Variants in CMIP observed in about 807,000 individuals in gnomAD.
The protein encoded by CMIP is c-Maf inducing protein.
In CMIP, 13 loss-of-function variants were observed where a neutral mutation model predicts 97.3. The observed-to-expected ratio is 0.13, with a 90% CI of 0.09 to 0.21. CMIP has a LOEUF of 0.21. Ranked by LOEUF, CMIP falls within the 10% of genes least tolerant of loss-of-function variation. The pLI, the probability that CMIP is intolerant of heterozygous loss-of-function variation, is 1.00. For synonymous variants in CMIP, 538 were observed against 436.3 expected, an observed-to-expected ratio of 1.23 and a Z score of -2.91; for missense variants, 847 against 1,024.9, an observed-to-expected ratio of 0.83 and a Z score of 2.37.
intron 1 of CMIP, among the ~76,000 whole-genome samples, chr16:81,595,391 T>C (rs1002575533): frequency 4.0e-5 from 6 of 150,954 alleles, no homozygotes; most frequent in African/African-American, 7.3e-5. Context: ...TTCTTTCTTT[T>C]TTTTTTTTTT....
At chr16:81,449,213 T>C (rs1356146858) in intron 1 of CMIP, among the ~76,000 whole-genome samples, 1 of 152,216 alleles carries the variant, frequency 6.6e-6, no homozygotes, top group Admixed American at 6.5e-5. Context: ...GAAAGTCCTT[T>C]ATTCAGGGGT....
rs1908644942 is a variant in CMIP at position 81,710,497 on chromosome 16, A to G, written c.*698A>G. 7.4e-6 allele frequency: 1 copy of G among 134,364 alleles called. No individual in the cohort carries two copies. Among genetic ancestry groups the G allele is most frequent in the East Asian group, 2.3e-4 (1 of 4,330 alleles). 8.3% of individuals were successfully genotyped at this position (134,364 alleles called of 1,614,324 possible). The stretch of plus-strand genomic sequence containing the variant: ...CAGCTGTCGGGTTAGTGGTAGTATT[A>G]TTGTTATTTTTTTAAAGGAAACAAA... On this transcript the variant is annotated 3_prime_UTR_variant, in exon 21 of 21. Coordinates refer to ENST00000537098, the MANE Select transcript of CMIP (RefSeq NM_198390.3).
chr16:81,496,636 C>T (rs962957310), intron 1 of CMIP, among the ~76,000 whole-genome samples: 2 of 152,216 alleles, frequency 1.3e-5, no homozygotes, highest in South Asian at 2.1e-4. Context: ...TGTGCACGTG[C>T]TTCCAGGGAT....
At chr16:81,648,702 G>A (rs1247811710) in intron 3 of CMIP, among the ~76,000 whole-genome samples, 4 of 141,466 alleles carry the variant, frequency 2.8e-5, no homozygotes, top group Non-Finnish European at 3.0e-5. Context: ...AGAATCACTT[G>A]AACCTGGGAG....
chr16:81,645,984 G>A (rs1375727368), intron 3 of CMIP, among the ~76,000 whole-genome samples: 1 of 152,096 alleles, frequency 6.6e-6, no homozygotes, highest in Non-Finnish European at 1.5e-5. Context: ...GTTATCCTTA[G>A]TACTTAACAT....
chr16:81,651,466 AG>A, intron 3 of CMIP: 1 of 808,902 alleles, frequency 1.2e-6, no homozygotes, highest in Non-Finnish European at 1.5e-6. Flanking sequence ...GTGGATGCGG[AG>A]GGCAGCGCTG....
chr16:81,694,827 A>G (rs938141457), intron 13 of CMIP, among the ~76,000 whole-genome samples: 2 of 152,184 alleles, frequency 1.3e-5, no homozygotes, highest in African/African-American at 2.4e-5. Flanking sequence ...AAACACCGCA[A>G]TTCTAAACAC....
At chr16:81,578,161 A>G (rs1301669897) in intron 1 of CMIP, among the ~76,000 whole-genome samples, 1 of 150,924 alleles carries the variant, frequency 6.6e-6, no homozygotes, top group Non-Finnish European at 1.5e-5. Flanking sequence ...CATCATAACC[A>G]TCATCCCCAT....
chr16:81,660,683 C>G (rs1422199649), intron 5 of CMIP, among the ~76,000 whole-genome samples: 1 of 152,144 alleles, frequency 6.6e-6, no homozygotes, highest in Non-Finnish European at 1.5e-5. Context: ...TGGTGACAAA[C>G]CCACACAGAC....
intron 3 of CMIP, among the ~76,000 whole-genome samples, chr16:81,641,428 T>A (rs866457120): frequency 6.6e-6 from 1 of 152,050 alleles, no homozygotes; most frequent in African/African-American, 2.4e-5. Flanking sequence ...ATTTTTTTTT[T>A]AATGTGCTCA....
intron 10 of CMIP, among the ~76,000 whole-genome samples, chr16:81,679,601 A>G (rs1384909289): frequency 6.6e-6 from 1 of 151,486 alleles, no homozygotes; most frequent in African/African-American, 2.4e-5. Context: ...ATGTGTGCAC[A>G]TTGGTGTTGT....
intron 1 of CMIP, among the ~76,000 whole-genome samples, chr16:81,565,572 C>T (rs1018215435): frequency 6.6e-6 from 1 of 152,214 alleles, no homozygotes; most frequent in South Asian, 2.1e-4. Context: ...TGGGCTCAGG[C>T]AGATGCTGAC....
rs893146471 is a variant in CMIP, at chr16:81,514,605, CT to C, written c.300+69065del. Among the ~76,000 whole-genome samples the C allele has an allele frequency of 2.0e-5, 3 of 152,324 alleles. No individual in the cohort carries two copies. In the East Asian group the frequency reaches 5.8e-4, roughly 29 times the overall value. ...GGCTCTCAGCACCGCATGGGCACCC[CT>C]GGTAGATCTAGTGTTGCGGTCAATC... On this transcript the variant is annotated intron_variant, in intron 1 of 20. Transcript: ENST00000537098.
chr16:81,464,130 G>C (rs557846850), intron 1 of CMIP: 1 of 152,524 alleles, frequency 6.6e-6, no homozygotes, highest in South Asian at 2.1e-4. Flanking sequence ...CAGTGTGTAA[G>C]GGAAGCAGGG....
rs770528658 is a variant in CMIP, at chr16:81,678,377, C to T, written c.1137C>T (p.Asp379=). The change falls in exon 10 of 21, where the codon GAC becomes GAT. Residue 379 remains aspartate (D), a synonymous_variant. Coordinates refer to ENST00000537098, the MANE Select transcript of CMIP (RefSeq NM_198390.3). ...TGCGCCTTCTGCACCCCAGCCCGGA[C>T]CTGGTGTCTCAGGAAGCCACGCTGT... ...LPLRLLHPSP[D]LVSQEATLSE... 6.2e-7 allele frequency: 1 copy of T among 1,612,178 alleles called. No individual in the cohort carries two copies. The highest frequency in any genetic ancestry group is 8.5e-7 in the Non-Finnish European group (1 of 1,179,228).
chr16:81,603,950 A>G (rs2091699457), intron 1 of CMIP, among the ~76,000 whole-genome samples: 1 of 152,222 alleles, frequency 6.6e-6, no homozygotes, highest in East Asian at 1.9e-4. Flanking sequence ...TTCTCATCTT[A>G]ACCAGTAGAG....
rs1282678684 is a variant in CMIP at position 81,616,118 on chromosome 16, G to T, written c.427-4758G>T. The stretch of plus-strand genomic sequence containing the variant: ...ACTGTCCTCAGCCCGGCATCTCTGT[G>T]CCTTGCCTTACATGTCATTAATTCA... On this transcript the variant is annotated intron_variant, in intron 2 of 20. Transcript: ENST00000537098. This position sits in a 1 kb window ranked among gnomAD's most constrained non-coding sequence, Gnocchi z 4.7. Among the ~76,000 whole-genome samples the T allele has an allele frequency of 6.6e-6, 1 of 151,710 alleles. No individual in the cohort carries two copies. Among genetic ancestry groups the T allele is most frequent in the Admixed American group, 6.6e-5 (1 of 15,242 alleles).
At chr16:81,537,332 C>T (rs1213548394) in intron 1 of CMIP, among the ~76,000 whole-genome samples, 1 of 151,848 alleles carries the variant, frequency 6.6e-6, no homozygotes, top group African/African-American at 2.4e-5. Context: ...GCCAGGAGTT[C>T]AAGACCAGGC....
intron 1 of CMIP, among the ~76,000 whole-genome samples, chr16:81,539,346 C>T (rs952893183): frequency 6.6e-6 from 1 of 152,038 alleles, no homozygotes; most frequent in Non-Finnish European, 1.5e-5. Flanking sequence ...TGGGCCAGGG[C>T]AGCTGCACAA....
Sources: gnomAD v4.1 joint callset for allele counts (sites outside exome capture counted in the v4.1 genomes callset) on GRCh38, gnomAD v4.1.1 for gene constraint, Gnocchi (gnomAD v3.1) non-coding constraint, MANE v1.5 for transcripts, NCBI Gene and HGNC (gene_info 2026-07-23, HGNC 2026-07-21) for gene names.